The following IGSF11 variants were observed in gnomAD, a reference collection of about 807,000 sequenced individuals.
IGSF11 encodes the protein CXADR like 1.
Under a neutral mutation model 41.0 loss-of-function variants are expected in IGSF11, and 22 were observed. That is an observed-to-expected ratio of 0.54 (90% confidence interval 0.38 to 0.77). IGSF11 has a LOEUF of 0.77. Among genes scored for constraint, IGSF11 ranks in the 30% least tolerant of loss-of-function variants. The pLI, the probability that IGSF11 is intolerant of heterozygous loss-of-function variation, is 0.00. For synonymous variants in IGSF11, 219 were observed against 201.3 expected (o/e 1.09, Z -0.74); for missense variants, 444 against 530.8 (o/e 0.84, Z 1.61).
At chr3:119,106,161 T>C (rs1337983688), upstream of IGSF11, among the ~76,000 whole-genome samples, 1 of 152,182 alleles carries the variant, frequency 6.6e-6, no homozygotes, top group Non-Finnish European at 1.5e-5. Context: ...AACATCATGG[T>C]AGATGGCATA....
At chr3:119,086,451 T>G (rs923902041) in intron 1 of IGSF11, among the ~76,000 whole-genome samples, 1 of 150,710 alleles carries the variant, frequency 6.6e-6, no homozygotes, top group African/African-American at 2.4e-5. Flanking sequence ...TTCAGCAAGG[T>G]CAACACAAAA....
chr3:119,105,732 A>G (rs1376807060), upstream of IGSF11, among the ~76,000 whole-genome samples: 2 of 152,134 alleles, frequency 1.3e-5, no homozygotes, highest in African/African-American at 4.8e-5. Context: ...GATGGCATTT[A>G]CTGATTTTTT....
chr3:119,007,237 C>T (rs1056003131), intron 1 of IGSF11, among the ~76,000 whole-genome samples: 2 of 145,054 alleles, frequency 1.4e-5, no homozygotes, highest in East Asian at 2.0e-4. Context: ...CCAGGTGCGT[C>T]CGTCACCCCT....
At chr3:118,956,926 T>G (rs1174388055) in intron 1 of IGSF11, among the ~76,000 whole-genome samples, 2 of 152,020 alleles carry the variant, frequency 1.3e-5, no homozygotes, top group Non-Finnish European at 2.9e-5. Context: ...TGAAGCACAA[T>G]AAAACAAGGT....
chr3:119,034,613 T>C lies in IGSF11; in HGVS notation c.-31A>G. 2 of 1,566,560 alleles carry C rather than the reference T, an allele frequency of 1.3e-6. No individual in the cohort carries two copies. Among genetic ancestry groups the C allele is most frequent in the South Asian group, 1.2e-5 (1 of 84,254 alleles). ...GGCCGCAGGGAGCGCGCCTGCCTCC[T>C]ACCCGGCTCCCGGTCGCAACAGGAG... On this transcript the variant is annotated 5_prime_UTR_variant, in exon 1 of 7. Coordinates refer to ENST00000393775, the MANE Select transcript of IGSF11 (RefSeq NM_001015887.3).
intron 1 of IGSF11, among the ~76,000 whole-genome samples, chr3:119,079,124 G>A (rs368591156): frequency 9.2e-5 from 14 of 152,238 alleles, no homozygotes; most frequent in East Asian, 5.8e-4. Flanking sequence ...TTGGGAAGCC[G>A]AAGTGGGCAG....
At chr3:118,914,899 C>G (rs1468683278) in intron 4 of IGSF11, among the ~76,000 whole-genome samples, 1 of 134,438 alleles carries the variant, frequency 7.4e-6, no homozygotes, top group East Asian at 2.1e-4. Flanking sequence ...CAGCACGCAG[C>G]TGGAGATCTG....
chr3:119,056,602 A>G (rs1482308557), intron 1 of IGSF11, among the ~76,000 whole-genome samples: 2 of 152,232 alleles, frequency 1.3e-5, no homozygotes, highest in African/African-American at 4.8e-5. Context: ...AAAAGAGGGA[A>G]TCCTCCCTAA....
intron 1 of IGSF11, among the ~76,000 whole-genome samples, chr3:119,121,193 G>GA (rs2077329449): frequency 6.6e-6 from 1 of 152,024 alleles, no homozygotes; most frequent in South Asian, 2.1e-4. Flanking sequence ...CATGTACATT[G>GA]AAAAAAGCAA....
At position 119,034,595 on chromosome 3, in the gene IGSF11, G is replaced by C. The variant is rs1245918414; in HGVS notation, c.-13C>G. Reference sequence around the variant, plus strand: ...GCTGAGAAGTCATCCCGGGGCCGCAGGGAGCGCGCCTGCCTCCTACCCGGC... The same window carrying C: ...GCTGAGAAGTCATCCCGGGGCCGCACGGAGCGCGCCTGCCTCCTACCCGGC... On this transcript the variant is annotated 5_prime_UTR_variant, in exon 1 of 7. Coordinates refer to ENST00000393775, the MANE Select transcript of IGSF11 (RefSeq NM_001015887.3). 6.9e-6 allele frequency: 11 copies of C among 1,585,992 alleles called. No homozygotes were observed. In the East Asian group the frequency reaches 2.6e-4, roughly 37 times the overall value.
At chr3:118,930,059 C>A in intron 2 of IGSF11, 53 bp downstream of exon 2, 2 of 1,538,370 alleles carry the variant, frequency 1.3e-6, no homozygotes, top group Non-Finnish European at 1.8e-6. Flanking sequence ...CCCTACCAAC[C>A]TCCTCTGAAA....
intron 1 of IGSF11, among the ~76,000 whole-genome samples, chr3:119,031,541 G>A (rs1234707573): frequency 6.6e-6 from 1 of 152,218 alleles, no homozygotes; most frequent in Non-Finnish European, 1.5e-5. Context: ...ACTGTCACCT[G>A]GGGAGGGGAA....
intron 1 of IGSF11, among the ~76,000 whole-genome samples, chr3:119,141,780 C>G (rs866668131): frequency 4.0e-5 from 6 of 151,572 alleles, no homozygotes; most frequent in South Asian, 4.1e-4. Flanking sequence ...AATAAATAGC[C>G]AAGATATGGA....
chr3:119,015,621 T>C (rs1410796647), intron 1 of IGSF11, among the ~76,000 whole-genome samples: 2 of 152,212 alleles, frequency 1.3e-5, no homozygotes, highest in Admixed American at 6.5e-5. Flanking sequence ...ATCTCATTTT[T>C]TGCTGCCTTA....
chr3:119,125,018 C>T (rs796805859), intron 1 of IGSF11, among the ~76,000 whole-genome samples: 6 of 152,042 alleles, frequency 3.9e-5, no homozygotes, highest in African/African-American at 1.4e-4. Flanking sequence ...ATTTAAAATG[C>T]CAAAGGAAAA....
intron 1 of IGSF11, among the ~76,000 whole-genome samples, chr3:119,024,584 C>T (rs1003496351): frequency 2.6e-5 from 4 of 152,076 alleles, no homozygotes; most frequent in East Asian, 1.9e-4. Context: ...ATATAATCAA[C>T]GATATAAAAT....
At chr3:118,995,228 T>C (rs528049965) in intron 1 of IGSF11, among the ~76,000 whole-genome samples, 8 of 152,236 alleles carry the variant, frequency 5.3e-5, no homozygotes, top group Non-Finnish European at 1.2e-4. Flanking sequence ...CTCCAGGTTT[T>C]ATTCACCTAA....
intron 1 of IGSF11, among the ~76,000 whole-genome samples, chr3:119,026,766 T>C (rs931025419): frequency 2.0e-5 from 3 of 152,194 alleles, no homozygotes; most frequent in African/African-American, 4.8e-5. Context: ...AAGTAAGGCA[T>C]TGGTGCAATT....
intron 4 of IGSF11, among the ~76,000 whole-genome samples, chr3:118,913,739 G>T (rs547081102): frequency 1.3e-5 from 2 of 152,272 alleles, no homozygotes; most frequent in African/African-American, 4.8e-5. Context: ...TGGCAAACTT[G>T]TGGGTAAATC....
Sources: gnomAD v4.1 joint callset for allele counts (sites outside exome capture counted in the v4.1 genomes callset) on GRCh38, gnomAD v4.1.1 for gene constraint, MANE v1.5 for transcripts, NCBI Gene and HGNC (gene_info 2026-07-23, HGNC 2026-07-21) for gene names.